OR2T2: variants seen among roughly 807,000 people sequenced by gnomAD.
OR2T2 encodes the protein olfactory receptor 2T2.
For synonymous variants in OR2T2, 50 were observed against 162.7 expected, an observed-to-expected ratio of 0.31 and a Z score of 5.27; for missense variants, 138 against 409.1, an observed-to-expected ratio of 0.34 and a Z score of 5.72.
chr1:248,452,667 A>G (rs1558340707), intron 2 of OR2T2, 109 bp from the exon 4 acceptor site: 1 of 884,332 alleles, frequency 1.1e-6, no homozygotes, highest in Non-Finnish European at 1.8e-6. Flanking sequence ...AATGATCCTG[A>G]AGTAGGTGAT....
At chr1:248,452,105 A>AAC (rs1662814292) in intron 2 of OR2T2, among the ~76,000 whole-genome samples, 2 of 10,312 alleles carry the variant, frequency 1.9e-4, no homozygotes, top group Non-Finnish European at 3.4e-4. Flanking sequence ...ATTCTGTGAG[A>AAC]ACAAATAGAC....
Position 248,452,756 on chromosome 1 carries a change from C to T in OR2T2, c.-22-20C>T, listed in dbSNP as rs368214239. 1.9e-6 allele frequency: 3 copies of T among 1,609,296 alleles called. No individual in the cohort carries two copies. The highest frequency in any genetic ancestry group is 2.5e-6 in the Non-Finnish European group (3 of 1,177,368). ...ACATATCAGGTCGTTAAATAAGCTG[C>T]CAGATTTCTGCCTTTACAGCCCAAG... On this transcript the variant is annotated intron_variant, in intron 2 of 2. Transcript: ENST00000642130.
At chr1:248,453,135 T>A (rs764469616) in exon 3 of OR2T2, 1 of 1,612,986 alleles carries the variant, frequency 6.2e-7, no homozygotes, top group Non-Finnish European at 8.5e-7. Context: ...GGAGGGGAAT[T>A]CTTCCTGCTG....
At chr1:248,448,089 T>C (rs1487679237) in intron 2 of OR2T2, among the ~76,000 whole-genome samples, 1 of 152,184 alleles carries the variant, frequency 6.6e-6, no homozygotes, top group African/African-American at 2.4e-5. Flanking sequence ...AACTCAGTTT[T>C]TCTTAATGGC....
At chr1:248,450,400 CAT>C (rs1254002213) in intron 2 of OR2T2, among the ~76,000 whole-genome samples, 16 of 144,528 alleles carry the variant, frequency 1.1e-4, no homozygotes, top group African/African-American at 2.3e-4. Context: ...TGGCTAAAAT[CAT>C]ATCTTTCTCC....
Position 248,453,520 on chromosome 1 carries a change from G to GT in OR2T2, c.724dup (p.Cys242LeufsTer32). ...AGGGCCGGCGCAAAGCCTTTGCTACGTGTTCCTCCCACATTATGGTGGTGA... is the reference window on the plus strand; with the variant it reads ...AGGGCCGGCGCAAAGCCTTTGCTACGTTGTTCCTCCCACATTATGGTGGTGA... On this transcript the variant is annotated frameshift_variant, in exon 3 of 3. Transcript: ENST00000642130. LOFTEE classifies it low-confidence loss of function (END_TRUNC). The GT allele has an allele frequency of 6.4e-7, 1 of 1,571,968 alleles. No homozygotes were observed. Among genetic ancestry groups the GT allele is most frequent in the South Asian group, 1.2e-5 (1 of 86,072 alleles).
chr1:248,453,181 C>T (rs1558341442), exon 3 of OR2T2: 3 of 1,611,448 alleles, frequency 1.9e-6, no homozygotes, highest in South Asian at 1.1e-5. Context: ...TGGCTGTGTG[C>T]AACCCTCTAC....
chr1:248,452,327 G>GT (rs1662816599), intron 2 of OR2T2, among the ~76,000 whole-genome samples: 1 of 31,288 alleles, frequency 3.2e-5, no homozygotes, highest in Non-Finnish European at 5.1e-5. Flanking sequence ...ATAGACGTCT[G>GT]TGGATGACTC....
chr1:248,453,948 A>C, exon 3 of OR2T2: 1 of 663,152 alleles, frequency 1.5e-6, no homozygotes. Context: ...GTTCTGAAGA[A>C]TGTTCAGTGT....
chr1:248,453,164 C>T (rs373345422), exon 3 of OR2T2: 306 of 1,612,020 alleles, frequency 1.9e-4, no homozygotes, highest in South Asian at 1.0e-3. Context: ...GGCCTATGAC[C>T]GCTATGTGGC....
intron 2 of OR2T2, chr1:248,449,280 C>T (rs1348471884): frequency 6.6e-6 from 1 of 152,308 alleles, no homozygotes; most frequent in African/African-American, 2.4e-5. Flanking sequence ...AGATACTTCT[C>T]ATAGCTCTAG....
At chr1:248,448,087 T>A (rs1262999234) in intron 2 of OR2T2, among the ~76,000 whole-genome samples, 1 of 152,192 alleles carries the variant, frequency 6.6e-6, no homozygotes, top group Non-Finnish European at 1.5e-5. Flanking sequence ...GTAACTCAGT[T>A]TTTCTTAATG....
chr1:248,446,337 A>G (rs1662649362), intron 1 of OR2T2, among the ~76,000 whole-genome samples: 1 of 144,926 alleles, frequency 6.9e-6, no homozygotes, highest in Non-Finnish European at 1.5e-5. Flanking sequence ...GGAGATGTGG[A>G]CATGTTGGAA....
At chr1:248,446,139 A>C (rs1360499590) in intron 1 of OR2T2, among the ~76,000 whole-genome samples, 1 of 144,450 alleles carries the variant, frequency 6.9e-6, no homozygotes, top group South Asian at 2.1e-4. Flanking sequence ...GTGGCTGAAG[A>C]CTTCATGCTT....
exon 3 of OR2T2, chr1:248,453,006 T>A (rs746981050): frequency 1.2e-6 from 2 of 1,612,984 alleles, no homozygotes; most frequent in African/African-American, 2.7e-5. Flanking sequence ...CTCTCCATCA[T>A]GGATACCATC....
intron 1 of OR2T2, among the ~76,000 whole-genome samples, chr1:248,446,178 T>C (rs1014440227): frequency 1.4e-5 from 2 of 144,696 alleles, no homozygotes; most frequent in South Asian, 2.1e-4. Flanking sequence ...TTTTTTTTCA[T>C]TTTAACCTCC....
At chr1:248,453,853 T>TGATC (rs1662880191) in exon 3 of OR2T2, 1 of 1,408,586 alleles carries the variant, frequency 7.1e-7, no homozygotes, top group African/African-American at 3.0e-5. Context: ...GGGTGGTGAC[T>TGATC]GATCAGGAAG....
rs201321023 is a variant in OR2T2 at position 248,450,347 on chromosome 1, CTT to C, written c.-22-2417_-22-2416del. 1.5e-3 allele frequency among the ~76,000 whole-genome samples: 204 copies of C among 139,148 alleles called. 6 individuals are homozygous for C. The highest frequency in any genetic ancestry group is 3.1e-3 in the East Asian group (15 of 4,870). 91.3% of individuals were successfully genotyped at this position (139,148 alleles called of 152,430 possible). On this transcript the variant is annotated intron_variant, in intron 2 of 2. Coordinates refer to ENST00000642130, the Ensembl canonical transcript of OR2T2. The stretch of plus-strand genomic sequence containing the variant: ...CAACGCTCACACTCACAAGGAACCT[CTT>C]TTTTTTTTTTTAACACGGTCTCGGT...
At chr1:248,448,096 T>C (rs1397220327) in intron 2 of OR2T2, among the ~76,000 whole-genome samples, 9 of 152,148 alleles carry the variant, frequency 5.9e-5, no homozygotes, top group Non-Finnish European at 1.3e-4. Context: ...TTTTTCTTAA[T>C]GGCTCCAAAG....
Sources: allele counts gnomAD v4.1 joint callset (sites outside exome capture counted in the v4.1 genomes callset), GRCh38; gene constraint gnomAD v4.1.1; transcripts MANE v1.5; gene names NCBI Gene and HGNC (gene_info 2026-07-23, HGNC 2026-07-21).